The following GSN variants were observed in gnomAD, a reference collection of about 807,000 sequenced individuals.
GSN encodes the protein gelsolin.
A neutral mutation model predicts 85.7 loss-of-function variants in GSN; 56 were observed. The observed-to-expected ratio is 0.65, with a 90% CI of 0.53 to 0.82. The LOEUF is 0.82. GSN is among the 40% of genes least tolerant of loss of function. The probability of loss-of-function intolerance (pLI) is 0.00; values close to 1 mark genes in which losing one functional copy is unlikely to be tolerated. For synonymous variants in GSN, 373 were observed against 399.1 expected, an observed-to-expected ratio of 0.93 and a Z score of 0.78; for missense variants, 857 against 979.8, an observed-to-expected ratio of 0.87 and a Z score of 1.67.
chr9:121,299,279 G>C lies in GSN; in HGVS notation c.-9-2684G>C. The C allele has an allele frequency of 1.0e-6, 1 of 985,290 alleles. No homozygotes were observed. Among genetic ancestry groups the C allele is most frequent in the Non-Finnish European group, 1.2e-6 (1 of 829,782 alleles). 61.0% of individuals were successfully genotyped at this position (985,290 alleles called of 1,614,324 possible). A position where few individuals can be genotyped will look rare whatever the true frequency, so the allele number is the denominator to read the frequency against. On this transcript the variant is annotated intron_variant, in intron 2 of 17. Transcript: ENST00000432226. This position sits in a 1 kb window ranked among gnomAD's most constrained non-coding sequence, Gnocchi z 4.2. ...CGGCTTCACCTGCCCACGGGAGCCG[G>C]GTCCCCTGCCCTGCTGCGGCGCATG...
intron 2 of GSN, among the ~76,000 whole-genome samples, chr9:121,291,038 A>G (rs1383625471): frequency 1.3e-5 from 2 of 152,110 alleles, no homozygotes; most frequent in African/African-American, 4.8e-5. Flanking sequence ...AACCAACCAC[A>G]GATCAGAAAT....
chr9:121,296,911 C>A (rs2059272021), intron 2 of GSN, among the ~76,000 whole-genome samples: 1 of 152,246 alleles, frequency 6.6e-6, no homozygotes, highest in Admixed American at 6.5e-5. Context: ...GCAGGCAAAG[C>A]TGCAGGCCCT....
intron 5 of GSN, chr9:121,240,041 G>C (rs4837818): frequency 0.38 from 59,604 of 155,450 alleles, 14,206 homozygotes; most frequent in East Asian, 0.62. Flanking sequence ...GTTTGGGTGT[G>C]GCCCATTCAT....
intron 6 of GSN, among the ~76,000 whole-genome samples, chr9:121,257,456 G>C (rs549231244): frequency 1.3e-5 from 2 of 152,166 alleles, no homozygotes; most frequent in African/African-American, 4.8e-5. Flanking sequence ...AGGCTTCCAC[G>C]AAGGTATGTG....
At chr9:121,225,993 C>T (rs1048809040) in intron 4 of GSN, among the ~76,000 whole-genome samples, 6 of 152,136 alleles carry the variant, frequency 3.9e-5, no homozygotes. Context: ...TTAGTAGAGA[C>T]GGGGTTTCAC....
chr9:121,306,169 A>G (rs901691255), intron 4 of GSN, among the ~76,000 whole-genome samples: 1 of 152,168 alleles, frequency 6.6e-6, no homozygotes, highest in African/African-American at 2.4e-5. Context: ...CCATTGTTCA[A>G]ATGGAATCTG....
At chr9:121,246,484 T>A (rs1354258531) in intron 5 of GSN, among the ~76,000 whole-genome samples, 1 of 152,098 alleles carries the variant, frequency 6.6e-6, no homozygotes, top group Non-Finnish European at 1.5e-5. Context: ...GAAACTAGGG[T>A]TTATCCATGT....
Position 121,303,080 on chromosome 9 carries a change from A to G in GSN, c.351+15A>G. The G allele has an allele frequency of 6.2e-7, 1 of 1,612,350 alleles. No individual in the cohort carries two copies. The highest frequency in any genetic ancestry group is 8.5e-7 in the Non-Finnish European group (1 of 1,179,784). ...TGAAGTACAAGGTGGGTTGGGCCCC[A>G]CCTTGCTTGAGCGGTAGGGACAGAT... On this transcript the variant is annotated intron_variant, in intron 4 of 17. Coordinates refer to ENST00000432226, the MANE Select transcript of GSN (RefSeq NM_198252.3).
At chr9:121,236,987 G>A (rs1256887864) in intron 5 of GSN, among the ~76,000 whole-genome samples, 1 of 152,122 alleles carries the variant, frequency 6.6e-6, no homozygotes, top group Admixed American at 6.5e-5. Flanking sequence ...AATGGCTATA[G>A]GTTTTTCTTT....
At position 121,286,485 on chromosome 9, in the gene GSN, G is replaced by A. The variant is rs187951481; in HGVS notation, c.-10+4923G>A. ...GCAGGCCACACCCCCAAGCCTTTGC[G>A]TCTGTTGTTCCCACCTTCCCAAAAG... On this transcript the variant is annotated intron_variant, in intron 2 of 17. Coordinates refer to ENST00000432226, the MANE Select transcript of GSN (RefSeq NM_198252.3). The A allele has an allele frequency of 2.3e-4, 217 of 937,770 alleles. No homozygotes were observed. In the African/African-American group the frequency reaches 3.1e-3, roughly 13 times the overall value. The allele number at this position is 937,770 out of a possible 1,614,324, so 58.1% of individuals were successfully genotyped here.
At chr9:121,253,543 AG>A (rs941556648) in intron 6 of GSN, among the ~76,000 whole-genome samples, 5 of 152,306 alleles carry the variant, frequency 3.3e-5, no homozygotes, top group Admixed American at 2.0e-4. Flanking sequence ...AGCAACCTGG[AG>A]TCACGGGACA....
intron 6 of GSN, among the ~76,000 whole-genome samples, chr9:121,262,340 C>G (rs964440879): frequency 2.6e-5 from 4 of 152,172 alleles, no homozygotes; most frequent in Non-Finnish European, 4.4e-5. Flanking sequence ...ATTACTTATC[C>G]TTTTTGAGCC....
chr9:121,331,654 G>A, intron 17 of GSN: 1 of 561,688 alleles, frequency 1.8e-6, no homozygotes, highest in Non-Finnish European at 3.2e-6. Flanking sequence ...GAAACCCTGA[G>A]GCTTCTCAAA....
rs567560139 is a variant in GSN, at chr9:121,215,648, C to T, written c.-528+4781C>T. On this transcript the variant is annotated intron_variant, in intron 4 of 24. Coordinates refer to the GSN transcript ENST00000373823. ...GGCAGAGGTTGCAGTGAGCCAAGAT[C>T]GCGCCACTGCACTCCAGCCTGAGTG... Among the ~76,000 whole-genome samples, 4 of 151,350 alleles carry T rather than the reference C, an allele frequency of 2.6e-5. No individual in the cohort carries two copies. In the South Asian group the frequency reaches 8.3e-4, roughly 32 times the overall value.
intron 14 of GSN, 59 bp from the exon 15 acceptor site, chr9:121,328,832 T>C (rs2063549499): frequency 1.3e-6 from 2 of 1,579,420 alleles, no homozygotes; most frequent in Non-Finnish European, 1.7e-6. Context: ...CAGGGTCCGA[T>C]GAGATGGGAG....
At chr9:121,317,247 T>C in intron 8 of GSN, 29 bp downstream of exon 8, 1 of 1,612,840 alleles carries the variant, frequency 6.2e-7, no homozygotes, top group East Asian at 2.2e-5. Context: ...GGGTCCCAAC[T>C]GGCCTGTAGG....
At chr9:121,282,256 T>C (rs958445103) in intron 2 of GSN, 1 of 595,312 alleles carries the variant, frequency 1.7e-6, no homozygotes, top group Non-Finnish European at 3.1e-6. Flanking sequence ...ACAAAGCTGC[T>C]GTGTGGACCC....
chr9:121,220,272 C>T (rs539648628), intron 4 of GSN, among the ~76,000 whole-genome samples: 15 of 152,226 alleles, frequency 9.9e-5, no homozygotes, highest in Non-Finnish European at 1.9e-4. Context: ...AATTCCTTCC[C>T]GCAGTGGCGT....
chr9:121,330,409 C>A (rs151213911), intron 16 of GSN, among the ~76,000 whole-genome samples: 1 of 152,274 alleles, frequency 6.6e-6, no homozygotes, highest in East Asian at 1.9e-4. Context: ...CCCATCTCTA[C>A]TAAAAATACA....
Sources: gnomAD v4.1 joint callset for allele counts (sites outside exome capture counted in the v4.1 genomes callset) on GRCh38, gnomAD v4.1.1 for gene constraint, Gnocchi (gnomAD v3.1) non-coding constraint, MANE v1.5 for transcripts, NCBI Gene and HGNC (gene_info 2026-07-23, HGNC 2026-07-21) for gene names.